Variants in VDAC1 observed in about 807,000 individuals in gnomAD.
VDAC1 encodes voltage dependent anion channel 1, also known as non-selective voltage-gated ion channel VDAC1.
Under a neutral mutation model 34.7 loss-of-function variants are expected in VDAC1, and 10 were observed. The observed-to-expected ratio is 0.29, with a 90% CI of 0.18 to 0.49. The LOEUF is 0.49. Ranked by LOEUF, VDAC1 falls within the 20% of genes least tolerant of loss-of-function variation. VDAC1 has a pLI of 0.99. For missense variants in VDAC1, 230 were observed against 347.9 expected, an observed-to-expected ratio of 0.66 and a Z score of 2.69; for synonymous variants, 130 against 136.0, an observed-to-expected ratio of 0.96 and a Z score of 0.30.
At chr5:134,070,267 G>A in the VDAC1 span, among the ~76,000 whole-genome samples, 4 of 151,970 alleles carry the variant, frequency 2.6e-5, no homozygotes, top group East Asian at 1.9e-4. Flanking sequence ...TCAGCCTCCC[G>A]AGTAGCTGGG....
the VDAC1 span, among the ~76,000 whole-genome samples, chr5:134,104,951 G>T: frequency 3.3e-3 from 509 of 152,290 alleles, 1 homozygote; most frequent in African/African-American, 0.012. Flanking sequence ...CCTTGATACT[G>T]TCTCCCGTAA....
chr5:134,010,236 A>G, the VDAC1 span, among the ~76,000 whole-genome samples: 1 of 152,148 alleles, frequency 6.6e-6, no homozygotes, highest in Non-Finnish European at 1.5e-5. Flanking sequence ...CCAGGACGGA[A>G]CACAACCTGG....
At chr5:134,065,404 C>T in the VDAC1 span, among the ~76,000 whole-genome samples, 1 of 143,258 alleles carries the variant, frequency 7.0e-6, no homozygotes, top group Non-Finnish European at 1.5e-5. Context: ...TGCAGTGGCA[C>T]ATCTTGGCTC....
rs766760714 is a variant in VDAC1 at position 133,980,838 on chromosome 5, C to G, written c.442G>C (p.Gly148Arg). ...IRGALVLGYEGWLAGYQMNFE... is the reference protein window; with the variant it reads ...IRGALVLGYERWLAGYQMNFE... ...TTCATCTGGTAGCCGGCCAGCCAGCCCTCGTAACCTAGCACCAGAGCACCC... is the reference window on the plus strand; with the variant it reads ...TTCATCTGGTAGCCGGCCAGCCAGCGCTCGTAACCTAGCACCAGAGCACCC... Residue 148 changes from glycine (G) to arginine (R), a missense_variant, in exon 6 of 9, where the codon GGC becomes CGC. By Grantham distance (125) the Gly-to-Arg change is moderately radical. Coordinates refer to ENST00000265333, the MANE Select transcript of VDAC1 (RefSeq NM_003374.3). 1 of 1,613,570 alleles carries G rather than the reference C, an allele frequency of 6.2e-7. No homozygotes were observed. Among genetic ancestry groups the G allele is most frequent in the African/African-American group, 1.3e-5 (1 of 74,756 alleles).
intron 5 of VDAC1, among the ~76,000 whole-genome samples, chr5:133,988,593 G>A (rs1016899813): frequency 1.3e-4 from 19 of 151,848 alleles, no homozygotes; most frequent in Admixed American, 6.6e-4. Flanking sequence ...TGAAACCCCC[G>A]TCTCCACTAA....
chr5:134,026,394 A>C, the VDAC1 span, among the ~76,000 whole-genome samples: 47 of 151,926 alleles, frequency 3.1e-4, no homozygotes, highest in Admixed American at 3.1e-3. Context: ...GGGCGCCTGT[A>C]GTCTCAGCTA....
chr5:134,011,330 T>C, the VDAC1 span, among the ~76,000 whole-genome samples: 87 of 152,174 alleles, frequency 5.7e-4, no homozygotes, highest in Non-Finnish European at 7.2e-4. Context: ...GGGTTATTTG[T>C]TTTTTTGCTT....
chr5:133,980,689 A>AGCCC lies in VDAC1; in HGVS notation c.551+39_551+40insGGGC. ...CAATCCCCTTACCACACATGCTCCA[A>AGCCC]CCCCACCCCTCCCACCCTGCTGCCC... On this transcript the variant is annotated intron_variant, in intron 6 of 8. Coordinates refer to ENST00000265333, the MANE Select transcript of VDAC1 (RefSeq NM_003374.3). 6.0e-5 allele frequency: 34 copies of AGCCC among 564,058 alleles called. 1 individual carries two copies. Among genetic ancestry groups the AGCCC allele is most frequent in the Non-Finnish European group, 8.7e-5 (26 of 298,442 alleles). 34.9% of individuals were successfully genotyped at this position (564,058 alleles called of 1,614,324 possible). A position where few individuals can be genotyped will look rare whatever the true frequency, so the allele number is the denominator to read the frequency against.
the VDAC1 span, among the ~76,000 whole-genome samples, chr5:134,022,260 A>T: frequency 1.8e-5 from 1 of 54,896 alleles, no homozygotes; most frequent in Non-Finnish European, 4.5e-5. Context: ...GGGTTGTTGA[A>T]AAAAATCAAT....
the VDAC1 span, among the ~76,000 whole-genome samples, chr5:134,088,581 G>A: frequency 6.6e-6 from 1 of 152,182 alleles, no homozygotes; most frequent in East Asian, 1.9e-4. Flanking sequence ...GCCTGTTTTT[G>A]TTTTCTTAAC....
chr5:134,103,694 C>T, the VDAC1 span, among the ~76,000 whole-genome samples: 15 of 152,320 alleles, frequency 9.8e-5, no homozygotes, highest in Middle Eastern at 3.4e-3. Context: ...TTAAGTGCTT[C>T]CCCCCTGCAG....
At chr5:134,007,906 G>A (rs891137403), upstream of VDAC1, among the ~76,000 whole-genome samples, 3 of 152,142 alleles carry the variant, frequency 2.0e-5, no homozygotes, top group Admixed American at 6.5e-5. Flanking sequence ...AGTCCCTGGC[G>A]AAGACAGTCA....
At chr5:134,082,571 T>C in the VDAC1 span, among the ~76,000 whole-genome samples, 3 of 152,244 alleles carry the variant, frequency 2.0e-5, no homozygotes, top group African/African-American at 7.2e-5. Flanking sequence ...TTAATTTCCA[T>C]TGGGTGAATA....
At chr5:134,079,481 C>T in the VDAC1 span, among the ~76,000 whole-genome samples, 47,197 of 151,924 alleles carry the variant, frequency 0.31, 7,798 homozygotes, top group Non-Finnish European at 0.38. Flanking sequence ...AGTCTCCACT[C>T]GGGGTGGAGA....
the VDAC1 span, among the ~76,000 whole-genome samples, chr5:134,112,522 C>A: frequency 1.2e-3 from 183 of 152,342 alleles, 1 homozygote; most frequent in African/African-American, 4.3e-3. Flanking sequence ...CTGGTTCCAG[C>A]CAGCAGGGTG....
the VDAC1 span, among the ~76,000 whole-genome samples, chr5:134,081,303 C>T: frequency 1.3e-5 from 2 of 152,236 alleles, no homozygotes; most frequent in African/African-American, 4.8e-5. Flanking sequence ...TCCCAAAGTG[C>T]TGGGATTACA....
chr5:134,017,443 C>T, the VDAC1 span, among the ~76,000 whole-genome samples: 3 of 151,776 alleles, frequency 2.0e-5, no homozygotes, highest in South Asian at 2.1e-4. Context: ...GCAACAAGAG[C>T]GAAACTCCAT....
At position 133,983,072 on chromosome 5, in the gene VDAC1, A is replaced by AAATC. The variant is rs1409708388; in HGVS notation, c.324-2120_324-2117dup. Among the ~76,000 whole-genome samples, 4 of 151,276 alleles carry AAATC rather than the reference A, an allele frequency of 2.6e-5. No individual in the cohort carries two copies. The East Asian group carries it at 7.8e-4, about 29-fold the overall frequency. On this transcript the variant is annotated intron_variant, in intron 5 of 8. Coordinates refer to ENST00000265333, the MANE Select transcript of VDAC1 (RefSeq NM_003374.3). ...CGAGCCCAGCCTGACCAACACGGAGAAATCCCGTCTCTACTAAAAACACAA... is the reference window on the plus strand; with the variant it reads ...CGAGCCCAGCCTGACCAACACGGAGAAATCAATCCCGTCTCTACTAAAAACACAA...
chr5:134,012,931 T>A, the VDAC1 span, among the ~76,000 whole-genome samples: 393 of 151,830 alleles, frequency 2.6e-3, 1 homozygote, highest in Admixed American at 7.8e-3. Context: ...AACACAGAAA[T>A]AAAGCCACCC....
Sources: gnomAD v4.1 joint callset for allele counts (sites outside exome capture counted in the v4.1 genomes callset) on GRCh38, gnomAD v4.1.1 for gene constraint, MANE v1.5 for transcripts, NCBI Gene and HGNC (gene_info 2026-07-23, HGNC 2026-07-21) for gene names.